WWOX: variants seen among roughly 807,000 people sequenced by gnomAD.
WWOX encodes WW domain-containing oxidoreductase.
In WWOX, 69 loss-of-function variants were observed where a neutral mutation model predicts 46.2. The observed-to-expected ratio is 1.49, with a 90% CI of 1.23 to 1.82. The LOEUF is 1.82. WWOX is among the 40% of genes most tolerant of loss of function. The pLI is 0.00. For missense variants in WWOX, 919 were observed against 542.6 expected (o/e 1.69, Z -6.89); for synonymous variants, 359 against 202.6 (o/e 1.77, Z -6.56).
At chr16:79,189,991 A>C (rs1597460049) in intron 8 of WWOX, among the ~76,000 whole-genome samples, 1 of 152,196 alleles carries the variant, frequency 6.6e-6, no homozygotes, top group East Asian at 1.9e-4. Flanking sequence ...TTATTTTATC[A>C]TCTTCCCATG....
intron 8 of WWOX, among the ~76,000 whole-genome samples, chr16:79,044,391 C>T (rs1168843848): frequency 6.6e-6 from 1 of 152,276 alleles, no homozygotes; most frequent in African/African-American, 2.4e-5. Flanking sequence ...GTGGATTTCT[C>T]ATGAATGGTT....
At chr16:79,005,588 T>C (rs1247177419) in intron 8 of WWOX, among the ~76,000 whole-genome samples, 1 of 152,188 alleles carries the variant, frequency 6.6e-6, no homozygotes, top group Non-Finnish European at 1.5e-5. Context: ...GTTTGGGGCA[T>C]GTTGTCACCT....
intron 8 of WWOX, among the ~76,000 whole-genome samples, chr16:78,885,568 C>T (rs570158425): frequency 1.3e-5 from 2 of 152,234 alleles, no homozygotes; most frequent in Admixed American, 1.3e-4. Flanking sequence ...ATGTGATTTC[C>T]AACATAGAGT....
chr16:78,336,371 G>C (rs2080888435), intron 5 of WWOX, among the ~76,000 whole-genome samples: 1 of 150,696 alleles, frequency 6.6e-6, no homozygotes, highest in Non-Finnish European at 1.5e-5. Flanking sequence ...GCCAGGTGTG[G>C]TGATGTGGCC....
chr16:78,135,088 C>G (rs928173297), intron 4 of WWOX, among the ~76,000 whole-genome samples: 7 of 152,198 alleles, frequency 4.6e-5, no homozygotes, highest in African/African-American at 9.7e-5. Flanking sequence ...CTGACTCCCA[C>G]CATTCCTGTA....
At chr16:78,963,866 GGA>G (rs1567442642) in intron 8 of WWOX, among the ~76,000 whole-genome samples, 1 of 152,118 alleles carries the variant, frequency 6.6e-6, no homozygotes, top group Non-Finnish European at 1.5e-5. Flanking sequence ...AGGGACCCAG[GGA>G]GAGGTAATTG....
At chr16:79,033,824 G>A (rs2047813567) in intron 8 of WWOX, among the ~76,000 whole-genome samples, 1 of 152,204 alleles carries the variant, frequency 6.6e-6, no homozygotes, top group Non-Finnish European at 1.5e-5. Flanking sequence ...TGTGTGATGT[G>A]TTCTTTTGTG....
At chr16:78,966,249 T>A (rs1436809833) in intron 8 of WWOX, among the ~76,000 whole-genome samples, 2 of 152,212 alleles carry the variant, frequency 1.3e-5, no homozygotes, top group African/African-American at 2.4e-5. Flanking sequence ...GGCTATAGGT[T>A]AAGAGGAGAT....
rs180875428 is a variant in WWOX at position 78,327,804 on chromosome 16, T to C, written c.517-59056T>C. Among the ~76,000 whole-genome samples, 143 of 152,020 alleles carry C rather than the reference T, an allele frequency of 9.4e-4. 1 individual carries two copies. Among genetic ancestry groups the C allele is most frequent in the Non-Finnish European group, 1.6e-3 (112 of 67,988 alleles). ...GTACAAAGTGCTTCTGCAAAGCTCT[T>C]AGAGCACCCAGAGCTGGCTTTGGAA... On this transcript the variant is annotated intron_variant, in intron 5 of 8. Transcript: ENST00000566780.
intron 8 of WWOX, among the ~76,000 whole-genome samples, chr16:78,913,221 A>C (rs1256164153): frequency 2.0e-5 from 3 of 151,930 alleles, no homozygotes; most frequent in East Asian, 3.9e-4. Flanking sequence ...GCTTGAGATA[A>C]TTCTCGTTAC....
rs577141664 is a variant in WWOX, at chr16:78,575,246, A to G, written c.1056+142494A>G. ...TGTCCCTGGAGGTGAGGGCCAGACA[A>G]CACATCAAAACTGACTTTTTATTTT... On this transcript the variant is annotated intron_variant, in intron 8 of 8. Coordinates refer to ENST00000566780, the MANE Select transcript of WWOX (RefSeq NM_016373.4). Among the ~76,000 whole-genome samples the G allele has an allele frequency of 8.1e-5, 12 of 148,400 alleles. No individual in the cohort carries two copies. In the South Asian group the frequency reaches 2.6e-3, roughly 32 times the overall value.
chr16:78,705,514 C>T (rs943926072), intron 8 of WWOX, among the ~76,000 whole-genome samples: 3 of 152,172 alleles, frequency 2.0e-5, no homozygotes, highest in African/African-American at 2.4e-5. Context: ...TCGCCTCACA[C>T]GTTTGCTAAT....
chr16:78,938,549 A>G (rs1209881642), intron 8 of WWOX, among the ~76,000 whole-genome samples: 2 of 152,014 alleles, frequency 1.3e-5, no homozygotes, highest in African/African-American at 4.8e-5. Flanking sequence ...GCAACTGGCA[A>G]CAGTGGGTTT....
At chr16:78,796,410 G>A (rs1236470214) in intron 8 of WWOX, among the ~76,000 whole-genome samples, 1 of 152,202 alleles carries the variant, frequency 6.6e-6, no homozygotes, top group African/African-American at 2.4e-5. Flanking sequence ...AAGCAGTGAG[G>A]TCACTTCCAC....
chr16:78,946,757 A>G (rs183643596), intron 8 of WWOX, among the ~76,000 whole-genome samples: 250 of 148,782 alleles, frequency 1.7e-3, no homozygotes, highest in African/African-American at 5.6e-3. Flanking sequence ...GCAGTGGTCC[A>G]CAGAATTGGC....
intron 8 of WWOX, among the ~76,000 whole-genome samples, chr16:79,055,491 G>A (rs536096859): frequency 3.9e-5 from 6 of 152,228 alleles, no homozygotes; most frequent in Admixed American, 1.3e-4. Context: ...CTTGTGGAGC[G>A]GGAAATGGCC....
At chr16:78,760,374 C>A (rs901169681) in intron 8 of WWOX, among the ~76,000 whole-genome samples, 2 of 152,158 alleles carry the variant, frequency 1.3e-5, no homozygotes, top group Non-Finnish European at 2.9e-5. Context: ...GGGACACAGC[C>A]AAACCATATC....
chr16:78,512,936 C>G (rs1422088242), intron 8 of WWOX, among the ~76,000 whole-genome samples: 3 of 152,142 alleles, frequency 2.0e-5, no homozygotes, highest in African/African-American at 4.8e-5. Flanking sequence ...GCAGGAAGGC[C>G]CATTAGTGAA....
intron 5 of WWOX, among the ~76,000 whole-genome samples, chr16:78,383,645 G>A (rs898543717): frequency 5.9e-5 from 9 of 152,118 alleles, no homozygotes; most frequent in African/African-American, 2.2e-4. Flanking sequence ...AATTAGAATT[G>A]CAAACCCCCA....
Sources: gnomAD v4.1 joint callset for allele counts (sites outside exome capture counted in the v4.1 genomes callset) on GRCh38, gnomAD v4.1.1 for gene constraint, MANE v1.5 for transcripts, NCBI Gene and HGNC (gene_info 2026-07-23, HGNC 2026-07-21) for gene names.